Variants in ARHGAP42 observed in about 807,000 individuals in gnomAD.
ARHGAP42 encodes Rho GTPase activating protein 42, also known as rho GTPase-activating protein 42.
In ARHGAP42, 63 loss-of-function variants were observed where a neutral mutation model predicts 125.0. That is an observed-to-expected ratio of 0.50 (90% CI 0.41 to 0.62). The LOEUF is 0.62. Ranked by LOEUF, ARHGAP42 falls within the 20% of genes least tolerant of loss-of-function variation. The pLI, the probability that ARHGAP42 is intolerant of heterozygous loss-of-function variation, is 0.00. For synonymous variants in ARHGAP42, 339 were observed against 351.0 expected (o/e 0.97, Z 0.38); for missense variants, 766 against 1,024.2 (o/e 0.75, Z 3.44).
intron 4 of ARHGAP42, among the ~76,000 whole-genome samples, chr11:100,866,088 C>G (rs948495327): frequency 3.9e-5 from 6 of 152,146 alleles, no homozygotes; most frequent in African/African-American, 9.7e-5. Flanking sequence ...TGGAATATTC[C>G]AAATCCTTTG....
intron 4 of ARHGAP42, among the ~76,000 whole-genome samples, chr11:100,866,432 A>T (rs562172300): frequency 3.1e-4 from 47 of 152,306 alleles, no homozygotes; most frequent in Non-Finnish European, 6.3e-4. Context: ...CTATCAGAGA[A>T]ATCACTGTCT....
At chr11:100,689,184 G>C (rs1337171066) in intron 1 of ARHGAP42, among the ~76,000 whole-genome samples, 1 of 152,144 alleles carries the variant, frequency 6.6e-6, no homozygotes, top group Non-Finnish European at 1.5e-5. Flanking sequence ...TGAATTTGAG[G>C]CTACTACTAA....
intron 2 of ARHGAP42, among the ~76,000 whole-genome samples, chr11:100,771,277 C>T (rs1159798205): frequency 2.0e-5 from 3 of 152,068 alleles, no homozygotes; most frequent in African/African-American, 7.2e-5. Flanking sequence ...GATTCATCTC[C>T]CATAAAATGA....
chr11:100,844,902 TA>T (rs1865025646), intron 3 of ARHGAP42, among the ~76,000 whole-genome samples: 2 of 152,130 alleles, frequency 1.3e-5, no homozygotes, highest in South Asian at 4.1e-4. Flanking sequence ...AGAACTAAAA[TA>T]GAACTATCAT....
At position 100,765,777 on chromosome 11, in the gene ARHGAP42, T is replaced by C. The variant is rs1862816005; in HGVS notation, c.155-4566T>C. On this transcript the variant is annotated intron_variant, in intron 1 of 23. Transcript: ENST00000298815. Reference sequence around the variant, plus strand: ...AGATGATAATTCTGCAACACATATATCGAGACAGATTGCTCCTGTGAGTCT... The same window carrying C: ...AGATGATAATTCTGCAACACATATACCGAGACAGATTGCTCCTGTGAGTCT... Among the ~76,000 whole-genome samples, 2 of 152,224 alleles carry C rather than the reference T, an allele frequency of 1.3e-5. 1 individual carries two copies. The highest frequency in any genetic ancestry group is 4.1e-4 in the South Asian group (2 of 4,830).
chr11:100,716,224 C>T (rs1386553306), intron 1 of ARHGAP42, among the ~76,000 whole-genome samples: 1 of 152,160 alleles, frequency 6.6e-6, no homozygotes. Flanking sequence ...TTGAATTGTG[C>T]TGGGTCCTTG....
intron 1 of ARHGAP42, among the ~76,000 whole-genome samples, chr11:100,749,212 G>A (rs1862381198): frequency 6.6e-6 from 1 of 152,104 alleles, no homozygotes; most frequent in Non-Finnish European, 1.5e-5. Context: ...CCTGAAATTT[G>A]TGGAAGGCTC....
Position 100,992,749 on chromosome 11 carries a change from G to A in ARHGAP42, c.*3948G>A, listed in dbSNP as rs182992679. On this transcript the variant is annotated 3_prime_UTR_variant, in exon 24 of 24. Transcript: ENST00000298815. Reference sequence around the variant, plus strand: ...ATAAATTGGATTTTTTATTTTTTGAGGGCAGCTGCCCTCACTGTTTTAAAT... The same window carrying A: ...ATAAATTGGATTTTTTATTTTTTGAAGGCAGCTGCCCTCACTGTTTTAAAT... 42 of 1,514,574 alleles carry A rather than the reference G, an allele frequency of 2.8e-5. No individual in the cohort carries two copies. The highest frequency in any genetic ancestry group is 2.0e-4 in the Admixed American group (9 of 44,798). 93.8% of individuals were successfully genotyped at this position (1,514,574 alleles called of 1,614,324 possible). A position where few individuals can be genotyped will look rare whatever the true frequency, so the allele number is the denominator to read the frequency against.
At chr11:100,810,565 T>A (rs1864112102) in intron 3 of ARHGAP42, among the ~76,000 whole-genome samples, 1 of 152,212 alleles carries the variant, frequency 6.6e-6, no homozygotes, top group Admixed American at 6.5e-5. Context: ...TTCATTTGCA[T>A]AACCATATCT....
chr11:100,694,505 G>T (rs996717081), intron 1 of ARHGAP42, among the ~76,000 whole-genome samples: 5 of 152,180 alleles, frequency 3.3e-5, no homozygotes, highest in African/African-American at 1.2e-4. Context: ...AGCCATCCCT[G>T]CTGTATGAAT....
intron 3 of ARHGAP42, among the ~76,000 whole-genome samples, chr11:100,806,075 G>A (rs1349726948): frequency 6.6e-6 from 1 of 152,138 alleles, no homozygotes; most frequent in Non-Finnish European, 1.5e-5. Context: ...TGGTTCAAAT[G>A]CCTCTGATAA....
chr11:100,894,007 G>A (rs1237805759), intron 4 of ARHGAP42, among the ~76,000 whole-genome samples: 1 of 152,024 alleles, frequency 6.6e-6, no homozygotes, highest in Non-Finnish European at 1.5e-5. Flanking sequence ...CCCACCAATG[G>A]CTATTTTATT....
chr11:100,929,062 C>T lies in ARHGAP42; in HGVS notation c.598-4094C>T, dbSNP rs942610987. On this transcript the variant is annotated intron_variant, in intron 6 of 23. Coordinates refer to ENST00000298815, the MANE Select transcript of ARHGAP42 (RefSeq NM_152432.4). ...TATTATGAATAATGTTATAAACCAG[C>T]GGTCCCCAACCTTTTTGGCACCAGA... is the stretch of plus-strand genomic sequence containing the variant. 2.9e-4 allele frequency among the ~76,000 whole-genome samples: 44 copies of T among 152,230 alleles called. 1 individual carries two copies. The highest frequency in any genetic ancestry group is 6.8e-3 in the Middle Eastern group (2 of 294).
intron 1 of ARHGAP42, among the ~76,000 whole-genome samples, chr11:100,744,962 C>T (rs1862268027): frequency 6.6e-6 from 1 of 152,104 alleles, no homozygotes; most frequent in Non-Finnish European, 1.5e-5. Flanking sequence ...GCTGCTGTGT[C>T]GTTCCCCTAT....
At chr11:100,845,821 A>T (rs1772211334) in intron 3 of ARHGAP42, among the ~76,000 whole-genome samples, 1 of 152,150 alleles carries the variant, frequency 6.6e-6, no homozygotes. Context: ...CCTGGTTAGT[A>T]AGCTCAAAGA....
chr11:100,832,482 G>C (rs1459919749), intron 3 of ARHGAP42, among the ~76,000 whole-genome samples: 1 of 152,164 alleles, frequency 6.6e-6, no homozygotes, highest in Non-Finnish European at 1.5e-5. Flanking sequence ...TACTCCTTGA[G>C]ATCAAAAGCT....
intron 1 of ARHGAP42, among the ~76,000 whole-genome samples, chr11:100,725,432 G>C (rs1861837585): frequency 6.6e-6 from 1 of 151,676 alleles, no homozygotes; most frequent in Admixed American, 6.6e-5. Flanking sequence ...GCCTTCCAAA[G>C]TGCTGGGATT....
intron 1 of ARHGAP42, among the ~76,000 whole-genome samples, chr11:100,731,278 C>T (rs1180353649): frequency 6.6e-6 from 1 of 152,058 alleles, no homozygotes; most frequent in Non-Finnish European, 1.5e-5. Flanking sequence ...CCTGCCTCAG[C>T]CTCCCGAGTA....
chr11:100,828,759 C>T (rs960571348), intron 3 of ARHGAP42, among the ~76,000 whole-genome samples: 94 of 151,246 alleles, frequency 6.2e-4, no homozygotes, highest in Non-Finnish European at 7.1e-4. Flanking sequence ...ATGATCCTAG[C>T]TCGCTGCAGC....
Sources: allele counts gnomAD v4.1 joint callset (sites outside exome capture counted in the v4.1 genomes callset), GRCh38; gene constraint gnomAD v4.1.1; transcripts MANE v1.5; gene names NCBI Gene and HGNC (gene_info 2026-07-23, HGNC 2026-07-21).